The following PCDH15 variants were observed in gnomAD, a reference collection of about 807,000 sequenced individuals.
PCDH15 encodes protocadherin-15.
Under a neutral mutation model 178.5 loss-of-function variants are expected in PCDH15, and 129 were observed. That is an observed-to-expected ratio of 0.72 (90% CI 0.63 to 0.84). The LOEUF (loss-of-function observed/expected upper bound fraction) is 0.84, where lower values mean the gene tolerates loss of function less well. Among genes scored for constraint, PCDH15 ranks in the 40% least tolerant of loss-of-function variants. The probability of loss-of-function intolerance (pLI) is 0.00; values close to 1 mark genes in which losing one functional copy is unlikely to be tolerated. For missense variants in PCDH15, 2,230 were observed against 2,099.9 expected (o/e 1.06, Z -1.21); for synonymous variants, 800 against 732.0 (o/e 1.09, Z -1.50).
intron 1 of PCDH15, among the ~76,000 whole-genome samples, chr10:55,180,903 C>A (rs939797930): frequency 3.3e-5 from 5 of 151,890 alleles, no homozygotes; most frequent in African/African-American, 7.2e-5. Flanking sequence ...AATAAAAATA[C>A]CTTGGCTGTC....
At chr10:54,274,419 A>G (rs191467981) in intron 8 of PCDH15, among the ~76,000 whole-genome samples, 2 of 152,084 alleles carry the variant, frequency 1.3e-5, no homozygotes, top group Admixed American at 1.3e-4. Flanking sequence ...TATAATTTAT[A>G]TATTTTTAGT....
intron 2 of PCDH15, among the ~76,000 whole-genome samples, chr10:55,607,528 G>C (rs577329809): frequency 1.9e-4 from 27 of 139,310 alleles, no homozygotes; most frequent in Non-Finnish European, 3.2e-4. Context: ...ACTGGATTAA[G>C]AAAATGTGGC....
intron 2 of PCDH15, among the ~76,000 whole-genome samples, chr10:54,591,871 T>G (rs2133944272): frequency 6.6e-6 from 1 of 152,278 alleles, no homozygotes; most frequent in African/African-American, 2.4e-5. Flanking sequence ...TACAATCTGA[T>G]AAAAAGTAAT....
At chr10:55,073,608 C>CTTTGT (rs1202899259) in intron 2 of PCDH15, among the ~76,000 whole-genome samples, 1 of 152,074 alleles carries the variant, frequency 6.6e-6, no homozygotes. Flanking sequence ...CTGTAGTTTT[C>CTTTGT]TTTCTCGTTG....
At chr10:54,007,682 A>G (rs947655089) in intron 20 of PCDH15, among the ~76,000 whole-genome samples, 5 of 152,202 alleles carry the variant, frequency 3.3e-5, no homozygotes, top group African/African-American at 1.2e-4. Context: ...TTTCCAAATA[A>G]TACTTGAATT....
chr10:54,744,136 T>C (rs1945168949), intron 1 of PCDH15, among the ~76,000 whole-genome samples: 1 of 152,056 alleles, frequency 6.6e-6, no homozygotes, highest in Non-Finnish European at 1.5e-5. Flanking sequence ...TGTGGTAAAA[T>C]AGTGAAGTAG....
At chr10:54,054,936 G>A (rs571062796) in intron 18 of PCDH15, among the ~76,000 whole-genome samples, 2 of 152,056 alleles carry the variant, frequency 1.3e-5, no homozygotes, top group African/African-American at 4.8e-5. Context: ...ACAGTTTTAG[G>A]CACTGTTGAG....
intron 2 of PCDH15, among the ~76,000 whole-genome samples, chr10:55,073,966 G>A (rs1841815236): frequency 6.6e-6 from 1 of 151,892 alleles, no homozygotes; most frequent in Non-Finnish European, 1.5e-5. Context: ...TGTGGTGTTT[G>A]GTTTTCTGTT....
chr10:54,499,354 A>G (rs371689223), intron 3 of PCDH15, among the ~76,000 whole-genome samples: 47 of 152,116 alleles, frequency 3.1e-4, no homozygotes, highest in African/African-American at 1.0e-3. Context: ...TCCACACAAT[A>G]ACAATGGAAA....
At chr10:55,040,802 A>G (rs1249675008) in intron 2 of PCDH15, among the ~76,000 whole-genome samples, 1 of 152,092 alleles carries the variant, frequency 6.6e-6, no homozygotes, top group Non-Finnish European at 1.5e-5. Flanking sequence ...ACTAAAGTAA[A>G]TTAATTTCTC....
chr10:55,462,684 T>C (rs1192136849), intron 2 of PCDH15, among the ~76,000 whole-genome samples: 1 of 152,150 alleles, frequency 6.6e-6, no homozygotes, highest in East Asian at 1.9e-4. Context: ...TTTTTTTCAA[T>C]TGGGTCAAAC....
rs915213227 is a variant in PCDH15 at position 53,823,376 on chromosome 10, T to A, written c.4368-3146A>T. 1 of 1,603,668 alleles carries A rather than the reference T, an allele frequency of 6.2e-7. No homozygotes were observed. ...GGAAAAGACTTGAAAGAAAAGAAGA[T>A]AATGAAATGTAAGGAAACAAGTTGT... is the stretch of plus-strand genomic sequence containing the variant. On this transcript the variant is annotated intron_variant, in intron 32 of 37. Coordinates refer to ENST00000644397, the MANE Select transcript of PCDH15 (RefSeq NM_001384140.1).
chr10:53,813,483 G>A (rs941721164), intron 35 of PCDH15, among the ~76,000 whole-genome samples: 1 of 152,192 alleles, frequency 6.6e-6, no homozygotes, highest in African/African-American at 2.4e-5. Flanking sequence ...CAGGGACACA[G>A]AAGAGCTAAA....
intron 2 of PCDH15, among the ~76,000 whole-genome samples, chr10:55,517,568 G>A (rs10825536): frequency 0.72 from 109,755 of 152,096 alleles, 40,177 homozygotes; most frequent in East Asian, 0.99. Context: ...TGGACAAAAA[G>A]TGGCCAAATA....
chr10:54,474,979 T>A (rs369742204), intron 3 of PCDH15, among the ~76,000 whole-genome samples: 1 of 151,984 alleles, frequency 6.6e-6, no homozygotes, highest in African/African-American at 2.4e-5. Context: ...GAAAACAGTA[T>A]GAAATTTAGC....
At chr10:54,186,426 T>A (rs1258019839) in intron 11 of PCDH15, among the ~76,000 whole-genome samples, 1 of 152,018 alleles carries the variant, frequency 6.6e-6, no homozygotes, top group Non-Finnish European at 1.5e-5. Flanking sequence ...TATAATAAAA[T>A]GTGAACATGA....
intron 8 of PCDH15, among the ~76,000 whole-genome samples, chr10:54,280,146 T>C (rs969467273): frequency 1.3e-5 from 2 of 151,780 alleles, no homozygotes; most frequent in African/African-American, 4.8e-5. Context: ...AAAATCAATG[T>C]CACTTACAAG....
chr10:54,653,917 T>C (rs986298201), intron 2 of PCDH15, among the ~76,000 whole-genome samples: 5 of 152,240 alleles, frequency 3.3e-5, no homozygotes, highest in Non-Finnish European at 7.3e-5. Flanking sequence ...TGTTCTGATA[T>C]ACATTTACTT....
intron 21 of PCDH15, among the ~76,000 whole-genome samples, chr10:53,991,819 A>C (rs1214462284): frequency 2.0e-5 from 3 of 152,126 alleles, no homozygotes; most frequent in Admixed American, 6.5e-5. Flanking sequence ...ACCAATCAGC[A>C]CCCTGTCAAA....
Sources: gnomAD v4.1 joint callset for allele counts (sites outside exome capture counted in the v4.1 genomes callset) on GRCh38, gnomAD v4.1.1 for gene constraint, MANE v1.5 for transcripts, NCBI Gene and HGNC (gene_info 2026-07-23, HGNC 2026-07-21) for gene names.